CEP89: variants seen among roughly 807,000 people sequenced by gnomAD.
CEP89 encodes centrosomal protein of 89 kDa.
A neutral mutation model predicts 97.6 loss-of-function variants in CEP89; 95 were observed. That is an observed-to-expected ratio of 0.97 (90% confidence interval 0.82 to 1.15). CEP89 has a LOEUF of 1.15. CEP89 is among the 50% of genes most tolerant of loss of function. The pLI, the probability that CEP89 is intolerant of heterozygous loss-of-function variation, is 0.00. For missense variants in CEP89, 869 were observed against 947.7 expected, an observed-to-expected ratio of 0.92 and a Z score of 1.09; for synonymous variants, 354 against 349.1, an observed-to-expected ratio of 1.01 and a Z score of -0.16.
chr19:32,921,047 G>A (rs911856053), intron 12 of CEP89, among the ~76,000 whole-genome samples: 7 of 151,020 alleles, frequency 4.6e-5, no homozygotes, highest in African/African-American at 1.7e-4. Flanking sequence ...GTGAAACCTC[G>A]TCTCTACTAA....
intron 3 of CEP89, among the ~76,000 whole-genome samples, chr19:32,958,075 A>C (rs1344158821): frequency 1.3e-5 from 2 of 151,192 alleles, no homozygotes; most frequent in African/African-American, 4.9e-5. Context: ...GGGTCAGACC[A>C]TCTCCTCTGA....
chr19:32,931,776 G>A (rs538487195), intron 8 of CEP89, among the ~76,000 whole-genome samples: 12 of 152,226 alleles, frequency 7.9e-5, no homozygotes, highest in Non-Finnish European at 1.3e-4. Flanking sequence ...AATAGTTAAC[G>A]TTATATTGAA....
chr19:32,949,368 G>T (rs1970864321), intron 4 of CEP89, among the ~76,000 whole-genome samples: 1 of 152,004 alleles, frequency 6.6e-6, no homozygotes, highest in African/African-American at 2.4e-5. Context: ...GGAAGAGAAA[G>T]AACAGTGAAG....
At chr19:32,901,079 G>A (rs1314783052) in intron 15 of CEP89, among the ~76,000 whole-genome samples, 166 bp downstream of exon 15, 4 of 151,948 alleles carry the variant, frequency 2.6e-5, no homozygotes, top group Non-Finnish European at 2.9e-5. Flanking sequence ...TAGAGACGGG[G>A]TTTTGCCATG....
At chr19:32,881,608 A>T (rs1969282264) in intron 18 of CEP89, among the ~76,000 whole-genome samples, 1 of 152,200 alleles carries the variant, frequency 6.6e-6, no homozygotes, top group Non-Finnish European at 1.5e-5. Context: ...AGAGAAAGGC[A>T]ATTAGAGGTG....
At chr19:32,934,123 G>C (rs1321410558) in intron 7 of CEP89, among the ~76,000 whole-genome samples, 1 of 152,204 alleles carries the variant, frequency 6.6e-6, no homozygotes, top group Non-Finnish European at 1.5e-5. Flanking sequence ...GGACTCAGGG[G>C]CTGGTGGCTG....
Position 32,962,445 on chromosome 19 carries a change from C to T in CEP89, c.147-2387G>A, listed in dbSNP as rs145166296. ...AGCAGTGTGAGAACGGACTAATACA[C>T]GCACCATCTACAAACACTAACTCTA... On this transcript the variant is annotated intron_variant, in intron 2 of 18. Coordinates refer to ENST00000305768, the MANE Select transcript of CEP89 (RefSeq NM_032816.5). 3.8e-3 allele frequency among the ~76,000 whole-genome samples: 585 copies of T among 152,258 alleles called. 3 individuals carry two copies. The highest frequency in any genetic ancestry group is 0.013 in the African/African-American group (527 of 41,538).
At chr19:32,957,473 C>G (rs1971072708) in intron 3 of CEP89, among the ~76,000 whole-genome samples, 1 of 151,896 alleles carries the variant, frequency 6.6e-6, no homozygotes, top group Non-Finnish European at 1.5e-5. Context: ...TCAAGTCCAG[C>G]CTGGGTAATA....
chr19:32,902,125 T>TA (rs201090402), intron 14 of CEP89, among the ~76,000 whole-genome samples: 13 of 151,876 alleles, frequency 8.6e-5, no homozygotes, highest in Admixed American at 1.3e-4. Context: ...CAGATTTATT[T>TA]AAAAAAAACC....
At chr19:32,913,187 C>T (rs1281397591) in intron 14 of CEP89, among the ~76,000 whole-genome samples, 1 of 147,326 alleles carries the variant, frequency 6.8e-6, no homozygotes, top group African/African-American at 2.5e-5. Flanking sequence ...TGTATGTTTC[C>T]TATACATAAT....
At chr19:32,964,118 C>T (rs1347532764) in intron 2 of CEP89, among the ~76,000 whole-genome samples, 2 of 151,960 alleles carry the variant, frequency 1.3e-5, no homozygotes, top group Non-Finnish European at 1.5e-5. Flanking sequence ...TAGTATAAGG[C>T]CCAGTTATAG....
intron 16 of CEP89, among the ~76,000 whole-genome samples, chr19:32,896,274 T>C (rs946168780): frequency 5.3e-5 from 8 of 152,058 alleles, no homozygotes; most frequent in Non-Finnish European, 7.4e-5. Context: ...ATCAGACACA[T>C]TGGCCAGTGG....
At chr19:32,937,309 C>G (rs1172480938) in intron 7 of CEP89, among the ~76,000 whole-genome samples, 1 of 152,054 alleles carries the variant, frequency 6.6e-6, no homozygotes, top group Non-Finnish European at 1.5e-5. Context: ...CCACTGGGAT[C>G]CCAGCACATC....
chr19:32,920,316 G>A (rs1473661362), intron 12 of CEP89, among the ~76,000 whole-genome samples: 4 of 152,146 alleles, frequency 2.6e-5, no homozygotes, highest in African/African-American at 9.7e-5. Flanking sequence ...TTGGCCTCAA[G>A]TGCTCCTCCC....
chr19:32,898,692 G>A (rs1969696893), intron 16 of CEP89, among the ~76,000 whole-genome samples: 2 of 152,072 alleles, frequency 1.3e-5, no homozygotes, highest in East Asian at 3.9e-4. Context: ...GACCAGCCTG[G>A]CCAATGTGGC....
intron 5 of CEP89, among the ~76,000 whole-genome samples, chr19:32,941,924 T>C (rs1970694869): frequency 6.6e-6 from 1 of 152,066 alleles, no homozygotes; most frequent in South Asian, 2.1e-4. Flanking sequence ...TAAGAAAAAA[T>C]ATATATTTTT....
intron 5 of CEP89, among the ~76,000 whole-genome samples, chr19:32,940,964 T>C (rs1970676331): frequency 6.6e-6 from 1 of 152,054 alleles, no homozygotes; most frequent in African/African-American, 2.4e-5. Context: ...TTCCCCCACG[T>C]TGGCCAGGCT....
intron 8 of CEP89, among the ~76,000 whole-genome samples, chr19:32,932,697 T>A (rs1365622160): frequency 6.6e-6 from 1 of 151,746 alleles, no homozygotes; most frequent in Non-Finnish European, 1.5e-5. Flanking sequence ...CCCAGTGCTT[T>A]AAGTGGCCAA....
intron 18 of CEP89, 129 bp from the exon 19 acceptor site, chr19:32,879,507 C>A: frequency 1.4e-6 from 1 of 721,796 alleles, no homozygotes; most frequent in South Asian, 1.8e-5. Flanking sequence ...TGCCTGGGTT[C>A]TGAAGCAAGC....
Sources: gnomAD v4.1 joint callset for allele counts (sites outside exome capture counted in the v4.1 genomes callset) on GRCh38, gnomAD v4.1.1 for gene constraint, MANE v1.5 for transcripts, NCBI Gene and HGNC (gene_info 2026-07-23, HGNC 2026-07-21) for gene names.